LRRC4C: variants seen among roughly 807,000 people sequenced by gnomAD.
The protein encoded by LRRC4C is leucine rich repeat containing 4C.
In LRRC4C, 5 loss-of-function variants were observed where a neutral mutation model predicts 33.6. The observed-to-expected ratio is 0.15, with a 90% CI of 0.08 to 0.31. The LOEUF (loss-of-function observed/expected upper bound fraction) is 0.31, where lower values mean the gene tolerates loss of function less well. Among genes scored for constraint, LRRC4C ranks in the 10% least tolerant of loss-of-function variants. LRRC4C has a pLI of 1.00. For synonymous variants in LRRC4C, 329 were observed against 302.0 expected (o/e 1.09, Z -0.93); for missense variants, 560 against 796.7 (o/e 0.70, Z 3.58).
At chr11:40,200,997 C>A (rs374981886) in intron 5 of LRRC4C, among the ~76,000 whole-genome samples, 1 of 152,202 alleles carries the variant, frequency 6.6e-6, no homozygotes. Flanking sequence ...GCTGAACAAA[C>A]CTTTATGCAA....
At chr11:40,246,871 G>A (rs908857589) in intron 4 of LRRC4C, among the ~76,000 whole-genome samples, 1 of 152,038 alleles carries the variant, frequency 6.6e-6, no homozygotes, top group African/African-American at 2.4e-5. Context: ...CTCATAGGAA[G>A]AAAAAATAAT....
chr11:41,041,873 C>G (rs1565327933), intron 1 of LRRC4C, among the ~76,000 whole-genome samples: 1 of 152,156 alleles, frequency 6.6e-6, no homozygotes, highest in Non-Finnish European at 1.5e-5. Flanking sequence ...CAAACACTGA[C>G]ACATATGATC....
In LRRC4C at chr11:40,114,497, T is replaced by A; in HGVS notation, c.1796A>T (p.Asn599Ile). ...AIEHEHLNHY[N>I]SYKSPFNHTT... ...GTGGTTGAAGGGAGATTTGTATGAG[T>A]TATAGTGATTTAGGTGCTCATGCTC... is the stretch of plus-strand genomic sequence containing the variant. Residue 599 changes from asparagine (N) to isoleucine (I), a missense_variant, in exon 7 of 7, where the codon AAC becomes ATC. This residue lies in a region of LRRC4C where 103 missense variants were observed against 132.1 expected (regional missense o/e 0.78). Transcript: ENST00000528697. 4 of 1,614,082 alleles carry A rather than the reference T, an allele frequency of 2.5e-6. No individual in the cohort carries two copies. Among genetic ancestry groups the A allele is most frequent in the Non-Finnish European group, 3.4e-6 (4 of 1,180,008 alleles).
At chr11:40,932,106 G>T (rs562470838) in intron 2 of LRRC4C, among the ~76,000 whole-genome samples, 1 of 152,190 alleles carries the variant, frequency 6.6e-6, no homozygotes, top group African/African-American at 2.4e-5. Context: ...ATATAAAAGA[G>T]AATTTGCAGC....
chr11:41,259,488 A>T (rs1023869156), intron 1 of LRRC4C, among the ~76,000 whole-genome samples: 1 of 152,074 alleles, frequency 6.6e-6, no homozygotes. Flanking sequence ...TTTAAGGAAT[A>T]CAAGTATTCC....
chr11:40,256,505 T>C (rs576056155), intron 4 of LRRC4C, among the ~76,000 whole-genome samples: 1 of 152,238 alleles, frequency 6.6e-6, no homozygotes, highest in Non-Finnish European at 1.5e-5. Context: ...ACATCCAGTA[T>C]GTAACTGTGC....
intron 3 of LRRC4C, among the ~76,000 whole-genome samples, chr11:40,577,811 T>TG (rs1228695359): frequency 4.6e-5 from 7 of 151,414 alleles, no homozygotes; most frequent in South Asian, 2.1e-4. Context: ...TGGATTTTTT[T>TG]GTTTGTTTGT....
chr11:41,453,834 A>C (rs565819738), intron 1 of LRRC4C, among the ~76,000 whole-genome samples: 1 of 152,076 alleles, frequency 6.6e-6, no homozygotes, highest in African/African-American at 2.4e-5. Context: ...TCACAAAAGG[A>C]ATTTCCTTAG....
chr11:40,766,032 T>C (rs1949433253), intron 2 of LRRC4C, among the ~76,000 whole-genome samples: 1 of 147,128 alleles, frequency 6.8e-6, no homozygotes, highest in Non-Finnish European at 1.5e-5. Flanking sequence ...AATCATTTAA[T>C]AATCAAACTC....
chr11:41,349,662 C>T, intron 1 of LRRC4C, among the ~76,000 whole-genome samples: 1 of 151,944 alleles, frequency 6.6e-6, no homozygotes, highest in Non-Finnish European at 1.5e-5. Context: ...GCAAAAAGCC[C>T]CAACTAAAGG....
chr11:41,426,505 G>A (rs1012862672), intron 1 of LRRC4C: 6 of 152,278 alleles, frequency 3.9e-5, no homozygotes, highest in Middle Eastern at 3.4e-3. Context: ...GCTTGTGCTC[G>A]TGTTTTGGTT....
At chr11:40,517,724 T>A (rs1955623301) in intron 3 of LRRC4C, among the ~76,000 whole-genome samples, 1 of 145,970 alleles carries the variant, frequency 6.9e-6, no homozygotes, top group African/African-American at 2.5e-5. Context: ...TACCATTGAC[T>A]TTCTTCACAG....
chr11:40,647,093 A>G (rs1196402055), intron 3 of LRRC4C, among the ~76,000 whole-genome samples: 2 of 152,200 alleles, frequency 1.3e-5, no homozygotes, highest in Non-Finnish European at 2.9e-5. Context: ...CTTAATCTAC[A>G]TAATGTGTAA....
intron 1 of LRRC4C, among the ~76,000 whole-genome samples, chr11:41,385,837 T>C (rs1953340095): frequency 6.6e-6 from 1 of 151,562 alleles, no homozygotes. Flanking sequence ...AGAACTAGTT[T>C]TAGATCAAAC....
intron 5 of LRRC4C, among the ~76,000 whole-genome samples, chr11:40,145,412 G>T (rs1441098086): frequency 1.3e-5 from 2 of 152,012 alleles, no homozygotes; most frequent in African/African-American, 4.8e-5. Flanking sequence ...CTTAGGTCTA[G>T]TTACATAAAC....
intron 2 of LRRC4C, among the ~76,000 whole-genome samples, chr11:40,906,988 C>T (rs969811489): frequency 3.9e-5 from 6 of 152,172 alleles, no homozygotes; most frequent in Middle Eastern, 3.4e-3. Flanking sequence ...TCCTGGTTAA[C>T]GGAGTGATTT....
At chr11:40,559,754 C>T (rs886874962) in intron 3 of LRRC4C, among the ~76,000 whole-genome samples, 9 of 152,074 alleles carry the variant, frequency 5.9e-5, no homozygotes, top group African/African-American at 2.2e-4. Context: ...ATGACTACCT[C>T]GTACCATTCT....
At chr11:40,347,798 G>A (rs1947202823) in intron 3 of LRRC4C, among the ~76,000 whole-genome samples, 1 of 152,112 alleles carries the variant, frequency 6.6e-6, no homozygotes, top group Admixed American at 6.6e-5. Flanking sequence ...AGTAGAGATG[G>A]GGTTTCTCCA....
chr11:41,357,193 C>G (rs1281489714), intron 1 of LRRC4C, among the ~76,000 whole-genome samples: 1 of 152,028 alleles, frequency 6.6e-6, no homozygotes, highest in Non-Finnish European at 1.5e-5. Flanking sequence ...GTCATCATCC[C>G]AAGAGTAATA....
Sources: gnomAD v4.1 joint callset for allele counts (sites outside exome capture counted in the v4.1 genomes callset) on GRCh38, gnomAD v4.1.1 for gene constraint, gnomAD v4.1.1 regional missense constraint, MANE v1.5 for transcripts, NCBI Gene and HGNC (gene_info 2026-07-23, HGNC 2026-07-21) for gene names.